Variants in ASPH observed in about 807,000 individuals in gnomAD.
ASPH encodes aspartyl/asparaginyl beta-hydroxylase.
ASPH carries 100 observed loss-of-function variants against 118.4 expected under a neutral mutation model. The observed-to-expected ratio is 0.84, with a 90% CI of 0.72 to 1.00. The LOEUF is 1.00. Among genes scored for constraint, ASPH ranks in the 50% least tolerant of loss-of-function variants. The probability of loss-of-function intolerance (pLI) is 0.00; values close to 1 mark genes in which losing one functional copy is unlikely to be tolerated. For missense variants in ASPH, 920 were observed against 919.5 expected, an observed-to-expected ratio of 1.00 and a Z score of -0.01; for synonymous variants, 315 against 325.6, an observed-to-expected ratio of 0.97 and a Z score of 0.35.
chr8:61,517,827 C>G (rs574724096), intron 23 of ASPH, among the ~76,000 whole-genome samples, 166 bp from the exon 24 acceptor site: 1 of 152,152 alleles, frequency 6.6e-6, no homozygotes, highest in African/African-American at 2.4e-5. Flanking sequence ...AAAATAAGCA[C>G]TCACATTTTC....
At chr8:61,705,808 A>C (rs1258487568) in intron 1 of ASPH, among the ~76,000 whole-genome samples, 1 of 121,214 alleles carries the variant, frequency 8.2e-6, no homozygotes, top group Non-Finnish European at 2.1e-5. Flanking sequence ...AGCTCTAGTT[A>C]GCTACAGGCA....
intron 21 of ASPH, among the ~76,000 whole-genome samples, chr8:61,533,548 G>A (rs1818371037): frequency 6.6e-6 from 1 of 152,164 alleles, no homozygotes; most frequent in South Asian, 2.1e-4. Flanking sequence ...ACTACAATTG[G>A]ACATCTTGTG....
rs2129610055 is a variant in ASPH at position 61,503,087 on chromosome 8, T to C, written c.*272A>G. 1 of 302,980 alleles carries C rather than the reference T, an allele frequency of 3.3e-6. No individual in the cohort carries two copies. Among genetic ancestry groups the C allele is most frequent in the South Asian group, 1.6e-4 (1 of 6,408 alleles). 18.8% of individuals were successfully genotyped at this position (302,980 alleles called of 1,614,324 possible). ...ATGTGGAAAAAATATCTTTGGCTGG[T>C]AAGGTAGAAGCTATCAAATGTTCAC... is the stretch of plus-strand genomic sequence containing the variant. On this transcript the variant is annotated 3_prime_UTR_variant, in exon 25 of 25. Transcript: ENST00000379454.
chr8:61,505,669 A>T (rs181303101), intron 24 of ASPH, among the ~76,000 whole-genome samples: 2 of 152,142 alleles, frequency 1.3e-5, no homozygotes, highest in African/African-American at 4.8e-5. Flanking sequence ...CTTGCATTCA[A>T]CACACACATG....
chr8:61,665,062 T>A (rs1228027633), intron 3 of ASPH: 1 of 1,317,026 alleles, frequency 7.6e-7, no homozygotes, highest in Non-Finnish European at 9.6e-7. Context: ...TTTTAAAATG[T>A]TTTTACATTT....
chr8:61,570,107 AT>A (rs1351119003), intron 16 of ASPH, among the ~76,000 whole-genome samples: 1 of 152,226 alleles, frequency 6.6e-6, no homozygotes, highest in Non-Finnish European at 1.5e-5. Flanking sequence ...AATGTATTTA[AT>A]ACAGATAACC....
At chr8:61,676,081 G>C in intron 3 of ASPH, 1 of 1,599,314 alleles carries the variant, frequency 6.3e-7, no homozygotes, top group Non-Finnish European at 8.5e-7. Context: ...AAGGTTACTG[G>C]TTATGTAAAT....
At chr8:61,590,317 G>A (rs1015896179) in intron 14 of ASPH, among the ~76,000 whole-genome samples, 1 of 152,038 alleles carries the variant, frequency 6.6e-6, no homozygotes, top group Non-Finnish European at 1.5e-5. Flanking sequence ...AAGGTTTTTC[G>A]AGAGAGGGTA....
chr8:61,700,938 C>T (rs6990099), intron 1 of ASPH, among the ~76,000 whole-genome samples: 73,472 of 152,010 alleles, frequency 0.48, 18,012 homozygotes, highest in East Asian at 0.54. Context: ...GAAATTTACA[C>T]AAAATGAAAT....
intron 12 of ASPH, among the ~76,000 whole-genome samples, chr8:61,634,793 T>C (rs1434829220): frequency 1.3e-5 from 2 of 152,216 alleles, no homozygotes; most frequent in Non-Finnish European, 2.9e-5. Flanking sequence ...TATTCTACGC[T>C]CAAAATATTG....
At position 61,684,029 on chromosome 8, in the gene ASPH, A is replaced by G; in HGVS notation, c.253+10T>C. On this transcript the variant is annotated intron_variant, in intron 2 of 24. Coordinates refer to ENST00000379454, the MANE Select transcript of ASPH (RefSeq NM_004318.4). ...CTTACAAATTCACATAAGGATATCA[A>G]AATTCTTACCTAGAACTTCCTCATA... is the stretch of plus-strand genomic sequence containing the variant. 2 of 1,612,888 alleles carry G rather than the reference A, an allele frequency of 1.2e-6. No individual in the cohort carries two copies. Among genetic ancestry groups the G allele is most frequent in the Non-Finnish European group, 1.7e-6 (2 of 1,179,338 alleles).
At chr8:61,665,547 C>T (rs1301655717) in intron 3 of ASPH, 10 of 1,587,156 alleles carry the variant, frequency 6.3e-6, no homozygotes, top group Non-Finnish European at 7.7e-6. Context: ...TTCTTACTTT[C>T]CTTCCTTGAC....
chr8:61,591,083 ATTG>A (rs1305038616), intron 14 of ASPH, among the ~76,000 whole-genome samples: 3 of 152,126 alleles, frequency 2.0e-5, no homozygotes, highest in Non-Finnish European at 4.4e-5. Context: ...CCCTTGCTGG[ATTG>A]TTAATTTCTG....
At chr8:61,580,758 A>G (rs1837260569) in intron 15 of ASPH, among the ~76,000 whole-genome samples, 1 of 152,180 alleles carries the variant, frequency 6.6e-6, no homozygotes, top group South Asian at 2.1e-4. Flanking sequence ...TTTTGTCGGC[A>G]TCAAATTTCC....
chr8:61,504,449 A>C (rs1244483145), intron 24 of ASPH, among the ~76,000 whole-genome samples: 1 of 152,252 alleles, frequency 6.6e-6, no homozygotes, highest in Non-Finnish European at 1.5e-5. Context: ...CTTGATTTCA[A>C]GTTACTATAT....
At chr8:61,663,409 G>A in intron 3 of ASPH, 1 of 985,426 alleles carries the variant, frequency 1.0e-6, no homozygotes, top group Non-Finnish European at 1.2e-6. Flanking sequence ...GTAAACTAGA[G>A]ACTGGTCTGG....
intron 17 of ASPH, among the ~76,000 whole-genome samples, chr8:61,564,297 C>CT (rs1176381658): frequency 0.026 from 3,452 of 134,010 alleles, 109 homozygotes; most frequent in African/African-American, 0.072. Flanking sequence ...AATGCTGATT[C>CT]TTTTTTTTTT....
chr8:61,637,080 A>G (rs1442582362), intron 12 of ASPH, among the ~76,000 whole-genome samples: 1 of 152,094 alleles, frequency 6.6e-6, no homozygotes, highest in Non-Finnish European at 1.5e-5. Context: ...AAGCAGTAAC[A>G]TTTAATCTGA....
At chr8:61,651,630 C>T (rs1431464914) in intron 4 of ASPH, among the ~76,000 whole-genome samples, 2 of 152,250 alleles carry the variant, frequency 1.3e-5, no homozygotes, top group East Asian at 1.9e-4. Flanking sequence ...CAGAGGTAGC[C>T]GACTGCTCTC....
Sources: allele counts gnomAD v4.1 joint callset (sites outside exome capture counted in the v4.1 genomes callset), GRCh38; gene constraint gnomAD v4.1.1; transcripts MANE v1.5; gene names NCBI Gene and HGNC (gene_info 2026-07-23, HGNC 2026-07-21).